Variants in MYO3A observed in about 807,000 individuals in gnomAD.
MYO3A encodes the protein myosin-IIIa.
A neutral mutation model predicts 192.7 loss-of-function variants in MYO3A; 180 were observed. The observed-to-expected ratio is 0.93, with a 90% CI of 0.83 to 1.06. MYO3A has a LOEUF of 1.06. Ranked by LOEUF, MYO3A falls within the 50% of genes least tolerant of loss-of-function variation. The probability of loss-of-function intolerance (pLI) is 0.00; values close to 1 mark genes in which losing one functional copy is unlikely to be tolerated. For synonymous variants in MYO3A, 628 were observed against 645.3 expected (o/e 0.97, Z 0.41); for missense variants, 1,896 against 1,905.0 (o/e 1.00, Z 0.09).
intron 2 of MYO3A, among the ~76,000 whole-genome samples, chr10:25,947,331 C>T (rs1426592045): frequency 2.0e-5 from 3 of 149,620 alleles, no homozygotes; most frequent in African/African-American, 2.5e-5. Flanking sequence ...TCACATGTTC[C>T]GTCTATCTCT....
chr10:25,970,004 A>C (rs1413185019), intron 4 of MYO3A, among the ~76,000 whole-genome samples: 1 of 152,164 alleles, frequency 6.6e-6, no homozygotes, highest in African/African-American at 2.4e-5. Flanking sequence ...CATCAAGAGG[A>C]GAAAACACTT....
chr10:26,180,040 G>A (rs1842546527), intron 31 of MYO3A, among the ~76,000 whole-genome samples: 1 of 152,036 alleles, frequency 6.6e-6, no homozygotes, highest in African/African-American at 2.4e-5. Flanking sequence ...TCACCATGTT[G>A]GCCAGGCTGG....
At chr10:26,110,858 G>C (rs916701986) in intron 17 of MYO3A, among the ~76,000 whole-genome samples, 2 of 150,530 alleles carry the variant, frequency 1.3e-5, no homozygotes, top group Non-Finnish European at 3.0e-5. Context: ...TCGTTTTTTG[G>C]GTTTTCTTTT....
chr10:26,189,342 A>G (rs547103493), intron 31 of MYO3A, among the ~76,000 whole-genome samples: 1 of 152,178 alleles, frequency 6.6e-6, no homozygotes, highest in Admixed American at 6.5e-5. Context: ...TAAGATTTCA[A>G]CATGTGAATT....
At chr10:26,103,184 G>A (rs985116190) in intron 17 of MYO3A, among the ~76,000 whole-genome samples, 2 of 152,208 alleles carry the variant, frequency 1.3e-5, no homozygotes, top group Admixed American at 6.5e-5. Context: ...GGAACCCTCC[G>A]GGCCATGTGT....
chr10:26,021,614 C>T lies in MYO3A; in HGVS notation c.697C>T (p.Leu233Phe). 1 of 1,614,116 alleles carries T rather than the reference C, an allele frequency of 6.2e-7. No individual in the cohort carries two copies. Among genetic ancestry groups the T allele is most frequent in the Non-Finnish European group, 8.5e-7 (1 of 1,179,998 alleles). ...LGDGDPPLAD[L>F]HPMRALFKIP... ...TGATGGAGATCCTCCACTAGCTGAC[C>T]TTCATCCCATGAGAGCACTCTTCAA... Residue 233 changes from leucine to phenylalanine, a missense_variant, in exon 8 of 35, where the codon CTT becomes TTT. Transcript: ENST00000642920.
At chr10:26,195,620 C>A (rs1395599038) in intron 32 of MYO3A, among the ~76,000 whole-genome samples, 1 of 152,230 alleles carries the variant, frequency 6.6e-6, no homozygotes. Context: ...TCCACTCCAG[C>A]CCTTCCTTCC....
intron 17 of MYO3A, among the ~76,000 whole-genome samples, chr10:26,100,916 T>C (rs1422402362): frequency 6.6e-6 from 1 of 152,218 alleles, no homozygotes; most frequent in African/African-American, 2.4e-5. Flanking sequence ...TTAGGTCTGC[T>C]TGTTGCAGAG....
chr10:26,166,488 C>T (rs987487176), intron 27 of MYO3A, among the ~76,000 whole-genome samples: 3 of 152,110 alleles, frequency 2.0e-5, no homozygotes, highest in Middle Eastern at 3.2e-3. Flanking sequence ...GCTGCAATAG[C>T]TATGATCACA....
chr10:25,975,527 A>G (rs938798250), intron 4 of MYO3A, among the ~76,000 whole-genome samples: 1 of 152,106 alleles, frequency 6.6e-6, no homozygotes, highest in African/African-American at 2.4e-5. Context: ...TCTAGGGTCT[A>G]CTTGGCCAAG....
At chr10:26,004,909 T>C (rs528631870) in intron 6 of MYO3A, among the ~76,000 whole-genome samples, 3 of 152,282 alleles carry the variant, frequency 2.0e-5, no homozygotes, top group East Asian at 3.9e-4. Context: ...TGAGTAAAGA[T>C]AGAAGAAATC....
chr10:26,197,361 A>C (rs554104017), intron 32 of MYO3A, among the ~76,000 whole-genome samples: 1 of 152,210 alleles, frequency 6.6e-6, no homozygotes, highest in Non-Finnish European at 1.5e-5. Flanking sequence ...CAGATAAAAC[A>C]AAAGTTTCAA....
At chr10:25,978,993 T>C (rs1839133844) in intron 4 of MYO3A, among the ~76,000 whole-genome samples, 1 of 152,228 alleles carries the variant, frequency 6.6e-6, no homozygotes, top group Non-Finnish European at 1.5e-5. Flanking sequence ...GTAATTTTTT[T>C]CCACATTGTT....
At chr10:26,108,718 T>A (rs1468146425) in intron 17 of MYO3A, among the ~76,000 whole-genome samples, 3 of 152,222 alleles carry the variant, frequency 2.0e-5, no homozygotes, top group Non-Finnish European at 4.4e-5. Context: ...CAGGAATCTC[T>A]CAGTCTTGCC....
At position 26,016,864 on chromosome 10, in the gene MYO3A, T is replaced by C; in HGVS notation, c.553T>C (p.Ser185Pro). 1 of 1,614,220 alleles carries C rather than the reference T, an allele frequency of 6.2e-7. No individual in the cohort carries two copies. The highest frequency in any genetic ancestry group is 1.1e-5 in the South Asian group (1 of 91,080). The change falls in exon 7 of 35, where the codon TCC (serine) becomes CCC (proline). Residue 185 changes from serine to proline, a missense_variant. By Grantham distance (74) the Ser-to-Pro change is moderately conservative. Coordinates refer to ENST00000642920, the MANE Select transcript of MYO3A (RefSeq NM_017433.5). ...CAGTACCCGGCACCGTCGGAACACA[T>C]CCGTAGGAACACCGTTTTGGATGGC... ...LTSTRHRRNT[S>P]VGTPFWMAPE...
At position 26,212,227 on chromosome 10, in the gene MYO3A, G is replaced by C; in HGVS notation, c.*264G>C. 1 of 517,302 alleles carries C rather than the reference G, an allele frequency of 1.9e-6. No individual in the cohort carries two copies. The allele number at this position is 517,302 out of a possible 1,614,324, so 32.0% of individuals were successfully genotyped here. On this transcript the variant is annotated 3_prime_UTR_variant, in exon 35 of 35. Transcript: ENST00000642920. The stretch of plus-strand genomic sequence containing the variant: ...CTCCTTTCTCACCAGCCCGCCAGTT[G>C]TGGCAACCCTGTCCTTGTTCCCCTA...
chr10:26,026,327 TC>T (rs1377562336), intron 9 of MYO3A, 49 bp from the exon 10 acceptor site: 3 of 1,601,052 alleles, frequency 1.9e-6, no homozygotes, highest in Non-Finnish European at 2.6e-6. Context: ...AATAATAGTT[TC>T]AAAACTCTAA....
rs1342292554 is a variant in MYO3A at position 25,935,824 on chromosome 10, G to T, written c.-24G>T. Reference sequence around the variant, plus strand: ...TTGTTATGCGTTATTTTCAAGCTTTGCTAACGGTAGGTGATAAAATTGACA... The same window carrying T: ...TTGTTATGCGTTATTTTCAAGCTTTTCTAACGGTAGGTGATAAAATTGACA... On this transcript the variant is annotated 5_prime_UTR_variant, in exon 2 of 35. Transcript: ENST00000642920. 1 of 152,306 alleles carries T rather than the reference G, an allele frequency of 6.6e-6. No individual in the cohort carries two copies. Among genetic ancestry groups the T allele is most frequent in the East Asian group, 1.9e-4 (1 of 5,186 alleles). 9.4% of individuals were successfully genotyped at this position (152,306 alleles called of 1,614,324 possible).
At position 26,212,048 on chromosome 10, in the gene MYO3A, C is replaced by A. The variant is rs887628003; in HGVS notation, c.*85C>A. ...CCAAGCAGGCACTCTGGGGCTGGCA[C>A]CAGCAGGCACTGAAGCTGCGGCCCT... On this transcript the variant is annotated 3_prime_UTR_variant, in exon 35 of 35. Transcript: ENST00000642920. 2 of 1,526,662 alleles carry A rather than the reference C, an allele frequency of 1.3e-6. No homozygotes were observed. The allele number at this position is 1,526,662 out of a possible 1,614,324, so 94.6% of individuals were successfully genotyped here. A position where few individuals can be genotyped will look rare whatever the true frequency, so the allele number is the denominator to read the frequency against.
Sources: allele counts gnomAD v4.1 joint callset (sites outside exome capture counted in the v4.1 genomes callset), GRCh38; gene constraint gnomAD v4.1.1; transcripts MANE v1.5; gene names NCBI Gene and HGNC (gene_info 2026-07-23, HGNC 2026-07-21).